CTNNA3: variants seen among roughly 807,000 people sequenced by gnomAD.
CTNNA3 encodes catenin alpha-3.
In CTNNA3, 76 loss-of-function variants were observed where a neutral mutation model predicts 95.7. That is an observed-to-expected ratio of 0.79 (90% CI 0.66 to 0.96). The LOEUF is 0.96. CTNNA3 is among the 40% of genes least tolerant of loss of function. The pLI is 0.00. For synonymous variants in CTNNA3, 431 were observed against 374.4 expected, an observed-to-expected ratio of 1.15 and a Z score of -1.74; for missense variants, 1,191 against 1,089.8, an observed-to-expected ratio of 1.09 and a Z score of -1.31.
rs138968521 is a variant in CTNNA3 at position 66,274,729 on chromosome 10, C to T, written c.1884+5741G>A. ...ATGCAGTTTGATGAGTTTTGGCAAA[C>T]GTATCCTCCAATGTAACCACCTCAA... On this transcript the variant is annotated intron_variant, in intron 13 of 17. Coordinates refer to ENST00000433211, the MANE Select transcript of CTNNA3 (RefSeq NM_013266.4). 8.0e-3 allele frequency among the ~76,000 whole-genome samples: 1,223 copies of T among 152,008 alleles called. 13 individuals carry two copies. The highest frequency in any genetic ancestry group is 0.028 in the African/African-American group (1,161 of 41,482).
At chr10:66,399,794 A>G (rs919594974) in intron 11 of CTNNA3, among the ~76,000 whole-genome samples, 1 of 152,002 alleles carries the variant, frequency 6.6e-6, no homozygotes, top group Non-Finnish European at 1.5e-5. Flanking sequence ...ACATATGTTC[A>G]GCTCTTTAAG....
chr10:67,231,433 C>G (rs12248056), intron 5 of CTNNA3, among the ~76,000 whole-genome samples: 1 of 151,930 alleles, frequency 6.6e-6, no homozygotes, highest in African/African-American at 2.4e-5. Flanking sequence ...CTCACAGGGC[C>G]GGGTACTCCA....
At chr10:67,126,396 G>A (rs1200011664) in intron 7 of CTNNA3, among the ~76,000 whole-genome samples, 2 of 151,292 alleles carry the variant, frequency 1.3e-5, no homozygotes, top group African/African-American at 2.4e-5. Context: ...GCGTGGCGGC[G>A]CGTGCCTGTA....
chr10:66,194,914 A>G (rs2086874023), intron 13 of CTNNA3, among the ~76,000 whole-genome samples: 1 of 152,232 alleles, frequency 6.6e-6, no homozygotes, highest in African/African-American at 2.4e-5. Flanking sequence ...ATTTTATGTT[A>G]TGCAATCAAT....
chr10:66,797,422 A>AAAC lies in CTNNA3; in HGVS notation c.1048-21899_1048-21898insGTT, dbSNP rs33946637. On this transcript the variant is annotated intron_variant, in intron 7 of 17. Transcript: ENST00000433211. Reference sequence around the variant, plus strand: ...CAAAAGTAAGAAAAAAAAAAAAAAAACCCACATTTAAATACTAACACTATT... The same window carrying AAAC: ...CAAAAGTAAGAAAAAAAAAAAAAAAAAACCCCACATTTAAATACTAACACTATT... Among the ~76,000 whole-genome samples, 545 of 148,868 alleles carry AAAC rather than the reference A, an allele frequency of 3.7e-3. 12 individuals carry two copies. The East Asian group carries it at 0.058, about 16-fold the overall frequency.
At chr10:67,219,234 A>C (rs893643712) in intron 6 of CTNNA3, among the ~76,000 whole-genome samples, 1 of 152,216 alleles carries the variant, frequency 6.6e-6, no homozygotes, top group South Asian at 2.1e-4. Flanking sequence ...AAAATGTAAA[A>C]ATTTGTCAAG....
At chr10:67,098,067 T>A (rs1858124061) in intron 7 of CTNNA3, 1 of 433,094 alleles carries the variant, frequency 2.3e-6, no homozygotes, top group Admixed American at 3.8e-5. Context: ...TCAAAACTCA[T>A]CCTACCTACC....
intron 5 of CTNNA3, among the ~76,000 whole-genome samples, chr10:67,340,339 T>C (rs1842140535): frequency 6.6e-6 from 1 of 151,722 alleles, no homozygotes. Context: ...GAAGAAAAAA[T>C]GAAGTAAAAA....
chr10:67,407,132 C>G (rs1250487913), intron 5 of CTNNA3, among the ~76,000 whole-genome samples: 3 of 152,108 alleles, frequency 2.0e-5, no homozygotes, highest in Non-Finnish European at 4.4e-5. Context: ...AACTTCGGGC[C>G]AATATCCTTG....
At chr10:66,840,182 C>G (rs1843001242) in intron 7 of CTNNA3, among the ~76,000 whole-genome samples, 2 of 152,050 alleles carry the variant, frequency 1.3e-5, no homozygotes, top group African/African-American at 4.8e-5. Flanking sequence ...GGCAAATGAT[C>G]CCAGATCAGA....
chr10:66,274,476 A>G (rs539040352), intron 13 of CTNNA3, among the ~76,000 whole-genome samples: 36 of 152,276 alleles, frequency 2.4e-4, no homozygotes, highest in African/African-American at 8.2e-4. Flanking sequence ...TCCATACATT[A>G]GAAATGTTTG....
intron 1 of CTNNA3, among the ~76,000 whole-genome samples, chr10:67,661,695 A>G (rs1052244803): frequency 6.6e-6 from 1 of 152,188 alleles, no homozygotes; most frequent in African/African-American, 2.4e-5. Context: ...TAAATGAAAA[A>G]CAACTCAACT....
chr10:67,265,621 A>G (rs1044038363), intron 5 of CTNNA3, among the ~76,000 whole-genome samples: 2 of 152,206 alleles, frequency 1.3e-5, no homozygotes, highest in Non-Finnish European at 2.9e-5. Flanking sequence ...ACAAGCACCA[A>G]GAGAATACCG....
chr10:66,604,452 C>T (rs996385009), intron 10 of CTNNA3, among the ~76,000 whole-genome samples: 1 of 152,106 alleles, frequency 6.6e-6, no homozygotes, highest in African/African-American at 2.4e-5. Flanking sequence ...TGAGCGTGCA[C>T]CCTGCCATGC....
At chr10:65,990,032 G>T (rs1017169678) in intron 15 of CTNNA3, among the ~76,000 whole-genome samples, 2 of 140,642 alleles carry the variant, frequency 1.4e-5, no homozygotes, top group African/African-American at 2.7e-5. Context: ...GTAAATGTTA[G>T]GATTTAATTC....
intron 5 of CTNNA3, among the ~76,000 whole-genome samples, chr10:67,310,405 A>G (rs541172884): frequency 6.6e-6 from 1 of 152,140 alleles, no homozygotes; most frequent in African/African-American, 2.4e-5. Flanking sequence ...ACACAAAAAA[A>G]CTTCTTTTTA....
chr10:67,533,492 AC>A (rs1422085629), intron 4 of CTNNA3, among the ~76,000 whole-genome samples: 1 of 152,186 alleles, frequency 6.6e-6, no homozygotes, highest in African/African-American at 2.4e-5. Context: ...GAGCCAAAAT[AC>A]CTTTCCAAGT....
intron 7 of CTNNA3, among the ~76,000 whole-genome samples, chr10:66,785,572 C>A (rs1241295835): frequency 6.6e-6 from 1 of 152,112 alleles, no homozygotes; most frequent in Non-Finnish European, 1.5e-5. Flanking sequence ...CCTCCCTCAC[C>A]CCTTAACCTT....
chr10:67,609,332 C>G (rs891736233), intron 2 of CTNNA3, among the ~76,000 whole-genome samples: 5 of 152,118 alleles, frequency 3.3e-5, no homozygotes, highest in Non-Finnish European at 7.4e-5. Flanking sequence ...ACATCTTTGA[C>G]AGCAAACTAC....
Sources: gnomAD v4.1 joint callset for allele counts (sites outside exome capture counted in the v4.1 genomes callset) on GRCh38, gnomAD v4.1.1 for gene constraint, MANE v1.5 for transcripts, NCBI Gene and HGNC (gene_info 2026-07-23, HGNC 2026-07-21) for gene names.